The following CLCN5 variants were observed in gnomAD, a reference collection of about 807,000 sequenced individuals.
CLCN5 encodes the protein H(+)/Cl(-) exchange transporter 5.
CLCN5 carries 17 observed loss-of-function variants against 54.0 expected under a neutral mutation model. That is an observed-to-expected ratio of 0.31 (90% CI 0.22 to 0.47). CLCN5 has a LOEUF of 0.47. CLCN5 is among the 20% of genes least tolerant of loss of function. The pLI is 1.00. For missense variants in CLCN5, 448 were observed against 646.7 expected (o/e 0.69, Z 3.33); for synonymous variants, 222 against 233.0 (o/e 0.95, Z 0.43).
chrX:50,016,636 A>C (rs1479389741), intron 3 of CLCN5, among the ~76,000 whole-genome samples: 1 of 109,551 alleles, frequency 9.1e-6, no homozygotes, highest in African/African-American at 3.3e-5. Flanking sequence ...TATATACTCT[A>C]TGGGTTTTGA....
chrX:50,025,575 T>G (rs1473351647), intron 3 of CLCN5, among the ~76,000 whole-genome samples: 3 of 112,296 alleles, frequency 2.7e-5, no homozygotes, highest in African/African-American at 6.5e-5. Context: ...CTTTCTGCCT[T>G]CCTTTTACAC....
At chrX:50,027,494 T>C (rs1931468719) in intron 3 of CLCN5, among the ~76,000 whole-genome samples, 1 of 112,289 alleles carries the variant, frequency 8.9e-6, no homozygotes, top group Admixed American at 9.5e-5. Context: ...GTCCAATTTA[T>C]TGATGAATCA....
At chrX:50,011,900 C>T (rs1930524155) in intron 3 of CLCN5, among the ~76,000 whole-genome samples, 1 of 111,625 alleles carries the variant, frequency 9.0e-6, no homozygotes, top group Admixed American at 9.5e-5. Flanking sequence ...GATGCAAGTG[C>T]TGTGTCAATG....
rs782319196 is a variant in CLCN5 at position 50,010,486 on chromosome X, A to C, written c.17-31830A>C. Among the ~76,000 whole-genome samples, 23 of 111,723 alleles carry C rather than the reference A, an allele frequency of 2.1e-4. No homozygotes were observed. The East Asian group carries it at 5.1e-3, about 25-fold the overall frequency. On this transcript the variant is annotated intron_variant, in intron 3 of 14. Transcript: ENST00000376091. Reference sequence around the variant, plus strand: ...TCAAACTCCTAGGCTCAAGCAGTCCACCAGCCTTAGCCTCCCAAAGTGTTG... The same window carrying C: ...TCAAACTCCTAGGCTCAAGCAGTCCCCCAGCCTTAGCCTCCCAAAGTGTTG...
Position 50,090,696 on chromosome X carries a change from G to GTTGT in CLCN5, c.2172_2175dup (p.Ser726CysfsTer2). Reference sequence around the variant, plus strand: ...AAATGCTCGAAAGAAACAGGATGGGGTTGTTAGCACTTCCATCATTTATTT... The same window carrying GTTGT: ...AAATGCTCGAAAGAAACAGGATGGGGTTGTTTGTTAGCACTTCCATCATTTATTT... On this transcript the variant is annotated frameshift_variant, in exon 14 of 15. Transcript: ENST00000376091. LOFTEE classifies it high-confidence loss of function. 8.3e-7 allele frequency: 1 copy of GTTGT among 1,209,409 alleles called. No individual in the cohort carries two copies. The highest frequency in any genetic ancestry group is 1.1e-6 in the Non-Finnish European group (1 of 894,190).
rs782722618 is a variant in CLCN5, at chrX:49,952,679, G to T, written c.16+27365G>T. Among the ~76,000 whole-genome samples, 6 of 111,237 alleles carry T rather than the reference G, an allele frequency of 5.4e-5. No individual in the cohort carries two copies. The South Asian group carries it at 2.2e-3, about 41-fold the overall frequency. On this transcript the variant is annotated intron_variant, in intron 3 of 14. Coordinates refer to ENST00000376091, the MANE Select transcript of CLCN5 (RefSeq NM_001127898.4). ...GATACTCTTATAGAATGTTACAGTAGCCAAATCCCTTAGTTAAAAATGGTA... is the reference window on the plus strand; with the variant it reads ...GATACTCTTATAGAATGTTACAGTATCCAAATCCCTTAGTTAAAAATGGTA...
chrX:49,960,376 C>T (rs1184018304), intron 3 of CLCN5, among the ~76,000 whole-genome samples: 1 of 110,766 alleles, frequency 9.0e-6, no homozygotes, highest in African/African-American at 3.3e-5. Flanking sequence ...GGATCCTCAA[C>T]GGCTGTTCAC....
intron 9 of CLCN5, among the ~76,000 whole-genome samples, chrX:50,084,388 G>GT (rs1301392288): frequency 4.5e-4 from 47 of 104,905 alleles, no homozygotes; most frequent in East Asian, 1.2e-3. Flanking sequence ...TTTTGTTTTT[G>GT]TTTTTTTTTT....
intron 3 of CLCN5, among the ~76,000 whole-genome samples, chrX:49,980,161 T>TA (rs782201485): frequency 2.7e-4 from 30 of 111,323 alleles, no homozygotes; most frequent in Non-Finnish European, 4.2e-4. Context: ...ACTACAGTGT[T>TA]AAAATAGTAT....
rs782616921 is a variant in CLCN5 at position 49,952,924 on chromosome X, C to T, written c.16+27610C>T. ...TTTTTTTGAGACGGAGTTTCACTCTCGCCCAGGCTGGAGTGCAATGGCACA... is the reference window on the plus strand; with the variant it reads ...TTTTTTTGAGACGGAGTTTCACTCTTGCCCAGGCTGGAGTGCAATGGCACA... On this transcript the variant is annotated intron_variant, in intron 3 of 14. Coordinates refer to ENST00000376091, the MANE Select transcript of CLCN5 (RefSeq NM_001127898.4). 3.1e-3 allele frequency among the ~76,000 whole-genome samples: 324 copies of T among 103,403 alleles called. 1 individual carries two copies. The highest frequency in any genetic ancestry group is 0.011 in the African/African-American group (303 of 27,932). 89.8% of individuals were successfully genotyped at this position (103,403 alleles called of 115,157 possible).
intron 3 of CLCN5, among the ~76,000 whole-genome samples, chrX:49,939,130 A>G (rs1446758583): frequency 8.9e-6 from 1 of 111,928 alleles, no homozygotes; most frequent in African/African-American, 3.3e-5. Context: ...TTAAAAAGTC[A>G]GGAAACAACA....
chrX:50,088,681 T>C lies in CLCN5; in HGVS notation c.1558-17T>C. 1 of 1,201,607 alleles carries C rather than the reference T, an allele frequency of 8.3e-7. No individual in the cohort carries two copies. The highest frequency in any genetic ancestry group is 1.1e-6 in the Non-Finnish European group (1 of 886,203). ...CACATCATTTCTCACTAACCATCTA[T>C]TGGTTTCTCTTTGCAGATCCCTTCT... On this transcript the variant is annotated splice_polypyrimidine_tract_variant and intron_variant, in intron 11 of 14. Transcript: ENST00000376091.
At chrX:50,005,218 T>C (rs1328275391) in intron 3 of CLCN5, among the ~76,000 whole-genome samples, 1 of 111,850 alleles carries the variant, frequency 8.9e-6, no homozygotes, top group African/African-American at 3.3e-5. Flanking sequence ...GTATTTCCTG[T>C]AAACTGATAG....
At position 50,090,473 on chromosome X, in the gene CLCN5, T is replaced by C. The variant is rs782795970; in HGVS notation, c.2102T>C (p.Leu701Pro). Reference sequence around the variant, plus strand: ...GTGGTATCCCGGGAGTCCCAAAGACTTGTGGGCTTTGTCCTCCGAAGAGAT... The same window carrying C: ...GTGGTATCCCGGGAGTCCCAAAGACCTGTGGGCTTTGTCCTCCGAAGAGAT... Reference protein sequence around the residue: ...PVVVSRESQRLVGFVLRRDLI... With the variant: ...PVVVSRESQRPVGFVLRRDLI... The change falls in exon 13 of 15, where the codon CTT (leucine) becomes CCT (proline). Residue 701 changes from leucine to proline, a missense_variant. Physicochemically the swap from Leu to Pro is moderately conservative, Grantham distance 98. This residue lies in a region of CLCN5 where 297 missense variants were observed against 470.4 expected (regional missense o/e 0.63). Transcript: ENST00000376091. The C allele has an allele frequency of 3.3e-6, 4 of 1,208,524 alleles. No homozygotes were observed. The highest frequency in any genetic ancestry group is 4.5e-6 in the Non-Finnish European group (4 of 893,945).
intron 3 of CLCN5, among the ~76,000 whole-genome samples, chrX:50,002,101 CTT>C (rs75937512): frequency 5.9e-5 from 6 of 101,512 alleles, no homozygotes; most frequent in African/African-American, 1.1e-4. Context: ...CTTCAGACTT[CTT>C]TTTTTTTTTT....
At chrX:49,981,595 T>A (rs1928734545) in intron 3 of CLCN5, among the ~76,000 whole-genome samples, 1 of 111,532 alleles carries the variant, frequency 9.0e-6, no homozygotes, top group Non-Finnish European at 1.9e-5. Context: ...AGTTTTAAAG[T>A]ATTAAAGTCA....
intron 4 of CLCN5, among the ~76,000 whole-genome samples, chrX:50,046,538 G>A (rs1279134386): frequency 9.0e-6 from 1 of 111,332 alleles, no homozygotes; most frequent in Non-Finnish European, 1.9e-5. Flanking sequence ...CCTGGGGTGG[G>A]AAGGGTGGTG....
At chrX:49,956,029 C>G (rs1168032390) in intron 3 of CLCN5, among the ~76,000 whole-genome samples, 1 of 111,914 alleles carries the variant, frequency 8.9e-6, no homozygotes, top group Non-Finnish European at 1.9e-5. Context: ...TTCTTTGAGC[C>G]TGATTCTCTT....
intron 4 of CLCN5, among the ~76,000 whole-genome samples, chrX:50,056,902 C>G (rs902649428): frequency 1.5e-4 from 17 of 111,850 alleles, no homozygotes; most frequent in African/African-American, 5.2e-4. Flanking sequence ...TGTTGGAGTT[C>G]TTGCAGTTCC....
Sources: allele counts gnomAD v4.1 joint callset (sites outside exome capture counted in the v4.1 genomes callset), GRCh38; gene constraint gnomAD v4.1.1; regional missense constraint gnomAD v4.1.1; transcripts MANE v1.5; gene names NCBI Gene and HGNC (gene_info 2026-07-23, HGNC 2026-07-21).